The following CIMIP6 variants were observed in gnomAD, a reference collection of about 807,000 sequenced individuals.
CIMIP6 encodes the protein uncharacterized protein C2orf73.
chr2:54,356,755 C>T, the CIMIP6 span, among the ~76,000 whole-genome samples: 1 of 152,098 alleles, frequency 6.6e-6, no homozygotes, highest in African/African-American at 2.4e-5. Context: ...CAATGAAGTT[C>T]AGTGATTTAT....
the CIMIP6 span, among the ~76,000 whole-genome samples, chr2:54,375,883 GGGGT>G: frequency 1.4e-5 from 1 of 70,156 alleles, no homozygotes; most frequent in East Asian, 1.1e-3. Context: ...AATCATATAG[GGGGT>G]GTGTGTGTGT....
chr2:54,333,637 C>G, the CIMIP6 span, among the ~76,000 whole-genome samples: 1 of 152,046 alleles, frequency 6.6e-6, no homozygotes, highest in African/African-American at 2.4e-5. Flanking sequence ...GCCTGTAATC[C>G]CACCACTTTG....
the CIMIP6 span, among the ~76,000 whole-genome samples, chr2:54,334,214 T>G: frequency 6.6e-6 from 1 of 152,212 alleles, no homozygotes; most frequent in Non-Finnish European, 1.5e-5. Flanking sequence ...CCTATACATT[T>G]TTAAAATATT....
At chr2:54,361,646 A>G in the CIMIP6 span, 2 of 152,116 alleles carry the variant, frequency 1.3e-5, no homozygotes, top group Non-Finnish European at 2.9e-5. Flanking sequence ...TATATCTCCA[A>G]TGTATATCTT....
the CIMIP6 span, among the ~76,000 whole-genome samples, chr2:54,335,836 C>T: frequency 6.6e-6 from 1 of 152,150 alleles, no homozygotes; most frequent in African/African-American, 2.4e-5. Flanking sequence ...CTTGCCTTTC[C>T]CAGCTTCTAG....
the CIMIP6 span, among the ~76,000 whole-genome samples, chr2:54,346,815 C>A: frequency 6.6e-6 from 1 of 152,216 alleles, no homozygotes; most frequent in Non-Finnish European, 1.5e-5. Context: ...GTCAAAGGAT[C>A]TTTTTAAAAA....
chr2:54,331,151 A>T, the CIMIP6 span: 2 of 706,830 alleles, frequency 2.8e-6, no homozygotes, highest in Non-Finnish European at 4.8e-6. Flanking sequence ...GCTTACAACA[A>T]TAATTTTTAA....
At chr2:54,358,948 C>CT in the CIMIP6 span, 71 of 1,424,904 alleles carry the variant, frequency 5.0e-5, no homozygotes, top group Admixed American at 1.9e-4. Context: ...TTCACAAAAT[C>CT]TTTTTTTTAG....
chr2:54,363,183 C>T, the CIMIP6 span, among the ~76,000 whole-genome samples: 2 of 152,140 alleles, frequency 1.3e-5, no homozygotes, highest in Non-Finnish European at 2.9e-5. Context: ...AAATGCTTCA[C>T]GTCTCTTAAT....
chr2:54,357,336 T>C, the CIMIP6 span, among the ~76,000 whole-genome samples: 1 of 152,224 alleles, frequency 6.6e-6, no homozygotes, highest in Non-Finnish European at 1.5e-5. Flanking sequence ...CATTTTTTCT[T>C]ATGTATTCCT....
the CIMIP6 span, among the ~76,000 whole-genome samples, chr2:54,334,319 A>T: frequency 6.6e-6 from 1 of 152,186 alleles, no homozygotes; most frequent in Non-Finnish European, 1.5e-5. Flanking sequence ...TCTTTTCTTG[A>T]AAAGATAAAT....
chr2:54,348,742 A>T, the CIMIP6 span, among the ~76,000 whole-genome samples: 12 of 152,376 alleles, frequency 7.9e-5, no homozygotes, highest in East Asian at 2.1e-3. Flanking sequence ...GCACATAAAC[A>T]TGCACTAATA....
chr2:54,357,224 A>G, the CIMIP6 span, among the ~76,000 whole-genome samples: 3 of 152,234 alleles, frequency 2.0e-5, no homozygotes, highest in Non-Finnish European at 4.4e-5. Flanking sequence ...TGTAATGTAT[A>G]AGTATTTGAA....
At chr2:54,357,940 A>T in the CIMIP6 span, among the ~76,000 whole-genome samples, 1 of 152,106 alleles carries the variant, frequency 6.6e-6, no homozygotes, top group Non-Finnish European at 1.5e-5. Context: ...TTACTTCACT[A>T]AACTTTTTTT....
At chr2:54,369,259 G>T in the CIMIP6 span, among the ~76,000 whole-genome samples, 10 of 152,004 alleles carry the variant, frequency 6.6e-5, no homozygotes, top group African/African-American at 2.4e-4. Context: ...AAATGAACCT[G>T]GACTTACAGA....
At chr2:54,360,116 T>G in the CIMIP6 span, 79 of 1,443,134 alleles carry the variant, frequency 5.5e-5, no homozygotes, top group Non-Finnish European at 6.4e-5. Flanking sequence ...GACTAGGACT[T>G]GAGCTAACGC....
the CIMIP6 span, among the ~76,000 whole-genome samples, chr2:54,352,973 G>A: frequency 2.6e-5 from 4 of 151,996 alleles, no homozygotes; most frequent in South Asian, 2.1e-4. Context: ...CTGAAATTTC[G>A]ACTCCTCTGA....
the CIMIP6 span, among the ~76,000 whole-genome samples, chr2:54,371,334 C>CA: frequency 2.2e-4 from 33 of 152,324 alleles, no homozygotes; most frequent in African/African-American, 7.9e-4. Context: ...CTGGGGCTGA[C>CA]ACCCTTCACC....
At chr2:54,333,243 G>C in the CIMIP6 span, among the ~76,000 whole-genome samples, 1 of 152,176 alleles carries the variant, frequency 6.6e-6, no homozygotes, top group Non-Finnish European at 1.5e-5. Flanking sequence ...AAAAATTGTG[G>C]TGTTAATAAA....
Sources: allele counts gnomAD v4.1 joint callset (sites outside exome capture counted in the v4.1 genomes callset), GRCh38; gene constraint gnomAD v4.1.1; transcripts MANE v1.5; gene names NCBI Gene and HGNC (gene_info 2026-07-23, HGNC 2026-07-21).